PID1: variants seen among roughly 807,000 people sequenced by gnomAD.
PID1 encodes the protein phosphotyrosine interaction domain containing 1.
A neutral mutation model predicts 19.1 loss-of-function variants in PID1; 10 were observed. The ratio of observed to expected loss-of-function variants is 0.52; its 90% confidence interval spans 0.32 to 0.89. The LOEUF is 0.89. PID1 is among the 40% of genes least tolerant of loss of function. The pLI, the probability that PID1 is intolerant of heterozygous loss-of-function variation, is 0.03. For missense variants in PID1, 248 were observed against 285.3 expected (o/e 0.87, Z 0.94); for synonymous variants, 130 against 116.0 (o/e 1.12, Z -0.78).
At chr2:229,207,890 A>C (rs542161569) in intron 1 of PID1, among the ~76,000 whole-genome samples, 2 of 152,194 alleles carry the variant, frequency 1.3e-5, no homozygotes, top group South Asian at 4.2e-4. Flanking sequence ...AAATGGAAAA[A>C]GGCTAACACT....
chr2:229,031,766 G>C (rs1693560005), intron 2 of PID1, among the ~76,000 whole-genome samples: 1 of 152,146 alleles, frequency 6.6e-6, no homozygotes, highest in Non-Finnish European at 1.5e-5. Flanking sequence ...AATCAGCCCT[G>C]CTGTTATCCA....
At chr2:229,093,929 C>T (rs1694925011) in intron 2 of PID1, among the ~76,000 whole-genome samples, 1 of 152,128 alleles carries the variant, frequency 6.6e-6, no homozygotes, top group African/African-American at 2.4e-5. Flanking sequence ...GACTTCTGTT[C>T]AACATAGTAC....
At chr2:229,138,012 T>C (rs1204024512) in intron 2 of PID1, among the ~76,000 whole-genome samples, 2 of 152,138 alleles carry the variant, frequency 1.3e-5, no homozygotes, top group Non-Finnish European at 2.9e-5. Flanking sequence ...GGGTATAGAT[T>C]CCCTTCACAC....
intron 1 of PID1, among the ~76,000 whole-genome samples, chr2:229,176,518 A>G (rs754870046): frequency 6.6e-6 from 1 of 152,256 alleles, no homozygotes; most frequent in Non-Finnish European, 1.5e-5. Context: ...ATGATACTTA[A>G]AAATACAAGA....
intron 1 of PID1, among the ~76,000 whole-genome samples, chr2:229,216,601 C>T (rs1691851437): frequency 6.6e-6 from 1 of 151,958 alleles, no homozygotes; most frequent in South Asian, 2.1e-4. Context: ...TGTGAGTAAT[C>T]CTCGAGTTAT....
chr2:229,220,992 C>T (rs1691957946), intron 1 of PID1, among the ~76,000 whole-genome samples: 1 of 152,140 alleles, frequency 6.6e-6, no homozygotes, highest in Non-Finnish European at 1.5e-5. Flanking sequence ...CAAAAACATT[C>T]CCAAACTGTC....
chr2:229,182,441 T>C (rs1055757424), intron 1 of PID1, among the ~76,000 whole-genome samples: 7 of 152,152 alleles, frequency 4.6e-5, no homozygotes, highest in Admixed American at 1.3e-4. Context: ...AGAACAACAG[T>C]TGAGTGATTT....
chr2:229,091,203 GAATTA>G (rs974788116), intron 2 of PID1, among the ~76,000 whole-genome samples: 1 of 151,878 alleles, frequency 6.6e-6, no homozygotes, highest in Non-Finnish European at 1.5e-5. Flanking sequence ...TAGAAAATAA[GAATTA>G]AATTATTTTC....
At chr2:229,251,621 C>T (rs868093477) in intron 1 of PID1, among the ~76,000 whole-genome samples, 10 of 151,972 alleles carry the variant, frequency 6.6e-5, no homozygotes, top group African/African-American at 1.9e-4. Context: ...GTGAGATACA[C>T]GAAGAAATGC....
At chr2:229,072,920 T>C (rs1006428601) in intron 2 of PID1, among the ~76,000 whole-genome samples, 1 of 152,250 alleles carries the variant, frequency 6.6e-6, no homozygotes, top group African/African-American at 2.4e-5. Flanking sequence ...AAACAATCTT[T>C]GCATCATCCC....
intron 2 of PID1, among the ~76,000 whole-genome samples, chr2:229,130,159 C>A (rs1689701284): frequency 6.6e-6 from 1 of 152,176 alleles, no homozygotes; most frequent in Non-Finnish European, 1.5e-5. Flanking sequence ...TGTAATTAAA[C>A]TGGTGAATCA....
chr2:229,174,715 T>C (rs1030453297), intron 1 of PID1, among the ~76,000 whole-genome samples: 7 of 58,450 alleles, frequency 1.2e-4, no homozygotes, highest in Non-Finnish European at 2.1e-4. Context: ...CCACTGAAAA[T>C]GCATGAAGAA....
intron 2 of PID1, among the ~76,000 whole-genome samples, chr2:229,065,556 C>G (rs1332362041): frequency 6.6e-6 from 1 of 151,982 alleles, no homozygotes; most frequent in African/African-American, 2.4e-5. Flanking sequence ...TGCACACACA[C>G]AAAGACACAC....
In PID1 at chr2:229,249,886, G is replaced by T. The variant is rs191172200; in HGVS notation, c.30+21128C>A. Among the ~76,000 whole-genome samples, 253 of 152,256 alleles carry T rather than the reference G, an allele frequency of 1.7e-3. 1 individual carries two copies. The highest frequency in any genetic ancestry group is 0.01 in the Middle Eastern group (3 of 294). On this transcript the variant is annotated intron_variant, in intron 1 of 2. Transcript: ENST00000392055. ...ACAGAAAAGGATATTTCAAAGTTAC[G>T]AAACAACATTAGCAAAAGCATCAAA...
In PID1 at chr2:229,215,100, C is replaced by T. The variant is rs138535607; in HGVS notation, c.30+55914G>A. ...AAATAACAACAATGTGGGAAAGCAC[C>T]TGTTATCCCTCATCCATCAGCATAG... On this transcript the variant is annotated intron_variant, in intron 1 of 2. Coordinates refer to ENST00000392055, the MANE Select transcript of PID1 (RefSeq NM_001100818.2). Among the ~76,000 whole-genome samples, 111 of 152,292 alleles carry T rather than the reference C, an allele frequency of 7.3e-4. 1 individual carries two copies. Among genetic ancestry groups the T allele is most frequent in the Middle Eastern group, 3.4e-3 (1 of 294 alleles).
chr2:229,211,974 T>C (rs895036899), intron 1 of PID1, among the ~76,000 whole-genome samples: 17 of 152,252 alleles, frequency 1.1e-4, no homozygotes, highest in Admixed American at 3.9e-4. Flanking sequence ...TAAATCAGAA[T>C]CTTAGTTGAT....
chr2:229,242,736 G>C (rs992772671), intron 1 of PID1, among the ~76,000 whole-genome samples: 1 of 152,056 alleles, frequency 6.6e-6, no homozygotes, highest in Non-Finnish European at 1.5e-5. Context: ...AAACCAATCT[G>C]AGTCATTTGT....
chr2:229,270,892 T>C, intron 1 of PID1, 122 bp downstream of exon 1: 1 of 802,448 alleles, frequency 1.2e-6, no homozygotes, highest in South Asian at 2.0e-5. Context: ...CATGTTGCCA[T>C]CGATGCGTCT....
At chr2:229,158,569 G>A (rs944700409) in intron 1 of PID1, among the ~76,000 whole-genome samples, 3 of 151,814 alleles carry the variant, frequency 2.0e-5, no homozygotes, top group African/African-American at 7.3e-5. Flanking sequence ...GGAAGGTAAT[G>A]AAGGTAACAT....
Sources: allele counts gnomAD v4.1 joint callset (sites outside exome capture counted in the v4.1 genomes callset), GRCh38; gene constraint gnomAD v4.1.1; transcripts MANE v1.5; gene names NCBI Gene and HGNC (gene_info 2026-07-23, HGNC 2026-07-21).